EPB41L1: variants seen among roughly 807,000 people sequenced by gnomAD.
EPB41L1 encodes the protein erythrocyte membrane protein band 4.1 like 1.
Under a neutral mutation model 97.8 loss-of-function variants are expected in EPB41L1, and 29 were observed. The observed-to-expected ratio is 0.30, with a 90% CI of 0.22 to 0.40. EPB41L1 has a LOEUF of 0.40. EPB41L1 is among the 10% of genes least tolerant of loss of function. The pLI is 1.00. For synonymous variants in EPB41L1, 383 were observed against 459.2 expected (o/e 0.83, Z 2.12); for missense variants, 812 against 1,162.3 (o/e 0.70, Z 4.38).
chr20:36,183,020 A>G (rs2061532393), intron 6 of EPB41L1, among the ~76,000 whole-genome samples: 2 of 152,220 alleles, frequency 1.3e-5, no homozygotes, highest in Non-Finnish European at 2.9e-5. Context: ...CCTCAGGGCC[A>G]GTAGATAACA....
At chr20:36,115,181 G>C (rs2058546566) in intron 2 of EPB41L1, among the ~76,000 whole-genome samples, 1 of 152,156 alleles carries the variant, frequency 6.6e-6, no homozygotes, top group African/African-American at 2.4e-5. Context: ...TTATCGATGA[G>C]GAAACTGAGG....
At chr20:36,129,736 T>G (rs911436847) in intron 2 of EPB41L1, among the ~76,000 whole-genome samples, 1 of 152,128 alleles carries the variant, frequency 6.6e-6, no homozygotes, top group African/African-American at 2.4e-5. Context: ...AATAATACCG[T>G]TTTTTAATTT....
chr20:36,169,116 C>T (rs1277963924), intron 1 of EPB41L1, among the ~76,000 whole-genome samples: 1 of 151,416 alleles, frequency 6.6e-6, no homozygotes, highest in African/African-American at 2.4e-5. Flanking sequence ...ATCCCAGTTA[C>T]TCGGGAGGCT....
Position 36,209,249 on chromosome 20 carries a change from GCCATCAGTGTGAGAC to G in EPB41L1, c.1669-236_1669-222del, listed in dbSNP as rs1345647013. 6.6e-6 allele frequency among the ~76,000 whole-genome samples: 1 copy of G among 152,124 alleles called. No individual in the cohort carries two copies. Reference sequence around the variant, plus strand: ...GGACGTTTGCTTTGTACTTGCTTTTGCCATCAGTGTGAGACCCTCAGAAAGGGGCATCTCCACTCT... The same window carrying G: ...GGACGTTTGCTTTGTACTTGCTTTTGCCTCAGAAAGGGGCATCTCCACTCT... On this transcript the variant is annotated intron_variant, in intron 14 of 21. Coordinates refer to ENST00000338074, the MANE Select transcript of EPB41L1 (RefSeq NM_012156.2). This position sits in a 1 kb window ranked among gnomAD's most constrained non-coding sequence, Gnocchi z 4.2.
rs376435525 is a variant in EPB41L1 at position 36,192,489 on chromosome 20, C to T, written c.1300+1692C>T. The stretch of plus-strand genomic sequence containing the variant: ...AGGTTGCAGTGAGCCAAGATTGCAC[C>T]GCCACTGTACTCTAGCCTGGTGACA... On this transcript the variant is annotated intron_variant, in intron 11 of 21. Transcript: ENST00000338074. Among the ~76,000 whole-genome samples the T allele has an allele frequency of 3.1e-4, 46 of 148,330 alleles. No homozygotes were observed. In the South Asian group the frequency reaches 9.3e-3, roughly 30 times the overall value.
rs1214324978 is a variant in EPB41L1 at position 36,207,733 on chromosome 20, C to T, written c.1669-1755C>T. 1.6e-6 allele frequency: 2 copies of T among 1,289,968 alleles called. No individual in the cohort carries two copies. The highest frequency in any genetic ancestry group is 1.1e-4 in the East Asian group (2 of 18,022). 79.9% of individuals were successfully genotyped at this position (1,289,968 alleles called of 1,614,324 possible). On this transcript the variant is annotated intron_variant, in intron 14 of 21. Coordinates refer to ENST00000338074, the MANE Select transcript of EPB41L1 (RefSeq NM_012156.2). This position sits in a 1 kb window ranked among gnomAD's most constrained non-coding sequence, Gnocchi z 4.9. ...ACACACGGAACTAGAGCCCGTGTCC[C>T]CCAATTCAGGCTGTGAAACCACGCT...
intron 8 of EPB41L1, among the ~76,000 whole-genome samples, chr20:36,188,090 G>T (rs2061761156): frequency 6.6e-6 from 1 of 152,172 alleles, no homozygotes; most frequent in Non-Finnish European, 1.5e-5. Flanking sequence ...AATATTTGCT[G>T]GATGAATGAA....
At chr20:36,203,933 C>CT (rs1013041671) in intron 14 of EPB41L1, among the ~76,000 whole-genome samples, 1 of 151,916 alleles carries the variant, frequency 6.6e-6, no homozygotes, top group African/African-American at 2.4e-5. Context: ...CTCCTCCTCC[C>CT]TGTGGGGTGG....
At chr20:36,101,195 G>A (rs760346715) in intron 1 of EPB41L1, among the ~76,000 whole-genome samples, 8 of 152,144 alleles carry the variant, frequency 5.3e-5, no homozygotes, top group African/African-American at 1.2e-4. Context: ...GGCAGAGACC[G>A]GAGCCAGGAG....
In EPB41L1 at chr20:36,209,885, T is replaced by C. The variant is rs2063035481; in HGVS notation, c.2066T>C (p.Met689Thr). 1.2e-6 allele frequency: 2 copies of C among 1,613,198 alleles called. No homozygotes were observed. The highest frequency in any genetic ancestry group is 2.7e-5 in the African/African-American group (2 of 74,930). ...CGAGGGGCCTGCTCCACCCCGGATA[T>C]GCCCCAGTTTGAGGTACAGTGGAGC... Reference protein sequence around the residue: ...PDRGACSTPDMPQFEPVKTET... With the variant: ...PDRGACSTPDTPQFEPVKTET... Residue 689 changes from methionine (M) to threonine (T), a missense_variant, in exon 15 of 22, where the codon ATG becomes ACG. This residue lies in a region of EPB41L1 where 498 missense variants were observed against 622.7 expected (regional missense o/e 0.80). Transcript: ENST00000338074. The surrounding 1 kb of genome is among the most constrained non-coding windows in gnomAD (Gnocchi z 4.2).
At chr20:36,197,751 C>T (rs551769986) in intron 13 of EPB41L1, 108 bp from the exon 14 acceptor site, 99 of 1,601,206 alleles carry the variant, frequency 6.2e-5, no homozygotes, top group Admixed American at 1.9e-4. Flanking sequence ...GTGGGAATAA[C>T]GTTGCTGGTG....
intron 2 of EPB41L1, among the ~76,000 whole-genome samples, chr20:36,113,023 A>G (rs562069994): frequency 3.3e-5 from 5 of 152,334 alleles, no homozygotes; most frequent in African/African-American, 1.2e-4. Flanking sequence ...TGCACCCCAA[A>G]GAATCTCAAT....
intron 21 of EPB41L1, among the ~76,000 whole-genome samples, chr20:36,224,292 A>G (rs754896150): frequency 6.6e-6 from 1 of 152,254 alleles, no homozygotes; most frequent in Non-Finnish European, 1.5e-5. Flanking sequence ...AATAATTTTT[A>G]CATTGGTTAC....
intron 2 of EPB41L1, among the ~76,000 whole-genome samples, chr20:36,122,383 G>A (rs1231144094): frequency 6.6e-6 from 1 of 152,176 alleles, no homozygotes. Context: ...AGCTGTGAGC[G>A]CCCATCCTTT....
intron 2 of EPB41L1, among the ~76,000 whole-genome samples, chr20:36,116,492 C>T (rs1569044019): frequency 1.3e-5 from 2 of 152,178 alleles, no homozygotes; most frequent in African/African-American, 4.8e-5. Flanking sequence ...GTGAGGTGGG[C>T]AGGCCCTATC....
intron 3 of EPB41L1, among the ~76,000 whole-genome samples, chr20:36,176,618 TTTC>T (rs2061242433): frequency 6.6e-6 from 1 of 150,950 alleles, no homozygotes; most frequent in South Asian, 2.1e-4. Context: ...ACATGTATTT[TTTC>T]TTTTTTTTCT....
rs8117803 is a variant in EPB41L1, at chr20:36,093,606, G to A, written c.-65+1994G>A. Reference sequence around the variant, plus strand: ...CCACACCCCGGGGGTCGGGGGAACTGGGCTGACAGCAGAGCCCGCGTTCTG... The same window carrying A: ...CCACACCCCGGGGGTCGGGGGAACTAGGCTGACAGCAGAGCCCGCGTTCTG... On this transcript the variant is annotated intron_variant, in intron 1 of 19. Transcript: ENST00000202028. The surrounding 1 kb of genome is among the most constrained non-coding windows in gnomAD (Gnocchi z 5.4). 0.19 allele frequency among the ~76,000 whole-genome samples: 29,249 copies of A among 151,382 alleles called. 3,020 individuals carry two copies. Among genetic ancestry groups the A allele is most frequent in the Middle Eastern group, 0.27 (78 of 284 alleles).
At chr20:36,155,133 C>G (rs570458362) in intron 1 of EPB41L1, 1 of 466,798 alleles carries the variant, frequency 2.1e-6, no homozygotes, top group South Asian at 1.5e-5. Flanking sequence ...GTTGGTCCTG[C>G]TGTAGGATGA....
intron 1 of EPB41L1, among the ~76,000 whole-genome samples, chr20:36,159,624 C>T (rs758461858): frequency 5.3e-5 from 8 of 152,230 alleles, no homozygotes; most frequent in South Asian, 2.1e-4. Flanking sequence ...AATACTTGTC[C>T]GATGAAAGAA....
Sources: allele counts gnomAD v4.1 joint callset (sites outside exome capture counted in the v4.1 genomes callset), GRCh38; gene constraint gnomAD v4.1.1; regional missense constraint gnomAD v4.1.1; non-coding constraint Gnocchi (gnomAD v3.1); transcripts MANE v1.5; gene names NCBI Gene and HGNC (gene_info 2026-07-23, HGNC 2026-07-21).